Variants in ITGA11 observed in about 807,000 individuals in gnomAD.
ITGA11 encodes integrin subunit alpha 11.
Under a neutral mutation model 141.9 loss-of-function variants are expected in ITGA11, and 97 were observed. That is an observed-to-expected ratio of 0.68 (90% CI 0.58 to 0.81). The LOEUF is 0.81. ITGA11 is among the 30% of genes least tolerant of loss of function. The pLI is 0.00. For missense variants in ITGA11, 1,387 were observed against 1,559.2 expected (o/e 0.89, Z 1.86); for synonymous variants, 658 against 624.6 (o/e 1.05, Z -0.80).
intron 26 of ITGA11, among the ~76,000 whole-genome samples, chr15:68,310,185 T>TTATA (rs1893334203): frequency 6.6e-6 from 1 of 152,194 alleles, no homozygotes; most frequent in Non-Finnish European, 1.5e-5. Flanking sequence ...TTAGTTAGAG[T>TTATA]AATACCTCAA....
chr15:68,320,074 G>A lies in ITGA11; in HGVS notation c.2616+111C>T, dbSNP rs139842285. 4.6e-5 allele frequency: 41 copies of A among 892,614 alleles called. No individual in the cohort carries two copies. The African/African-American group carries it at 6.6e-4, about 14-fold the overall frequency. 55.3% of individuals were successfully genotyped at this position (892,614 alleles called of 1,614,324 possible). A position where few individuals can be genotyped will look rare whatever the true frequency, so the allele number is the denominator to read the frequency against. On this transcript the variant is annotated intron_variant, in intron 20 of 29. Transcript: ENST00000315757. ...CAAAGTGCTAGGATTACAGGCATGA[G>A]CCACTGCATCCAGCTTTCTTGTGAT...
intron 16 of ITGA11, among the ~76,000 whole-genome samples, chr15:68,327,736 C>A (rs1241435573): frequency 7.1e-6 from 1 of 141,102 alleles, no homozygotes; most frequent in African/African-American, 2.6e-5. Flanking sequence ...TTTCCAGCAC[C>A]CCCCCTGTAG....
chr15:68,395,533 T>C (rs1348521455), intron 2 of ITGA11, among the ~76,000 whole-genome samples: 2 of 150,340 alleles, frequency 1.3e-5, no homozygotes, highest in African/African-American at 4.9e-5. Flanking sequence ...GTGATGCATG[T>C]GCAGCTTCAG....
chr15:68,360,095 C>T (rs1895193786), intron 5 of ITGA11, among the ~76,000 whole-genome samples: 1 of 152,136 alleles, frequency 6.6e-6, no homozygotes, highest in African/African-American at 2.4e-5. Flanking sequence ...ACTTCTTGTC[C>T]CACCTGCATA....
At chr15:68,349,333 C>A (rs548716954) in intron 9 of ITGA11, among the ~76,000 whole-genome samples, 1 of 152,220 alleles carries the variant, frequency 6.6e-6, no homozygotes. Context: ...TTGGATGGAA[C>A]TCAAACATCA....
chr15:68,329,258 A>G (rs1479880144), intron 15 of ITGA11, among the ~76,000 whole-genome samples: 1 of 152,228 alleles, frequency 6.6e-6, no homozygotes, highest in African/African-American at 2.4e-5. Context: ...TGCTGTGTCA[A>G]CATAGTGGGT....
chr15:68,363,858 G>A (rs1340592763), intron 4 of ITGA11, among the ~76,000 whole-genome samples: 2 of 152,194 alleles, frequency 1.3e-5, no homozygotes, highest in East Asian at 1.9e-4. Flanking sequence ...GAGTCCATAT[G>A]TGCTCACCTG....
At chr15:68,400,586 TTTATATA>T (rs1473245539) in intron 2 of ITGA11, among the ~76,000 whole-genome samples, 1 of 101,966 alleles carries the variant, frequency 9.8e-6, no homozygotes, top group African/African-American at 3.8e-5. Flanking sequence ...ATATATATAT[TTTATATA>T]TTATATATTA....
chr15:68,406,910 A>C (rs1352346534), intron 1 of ITGA11, among the ~76,000 whole-genome samples: 2 of 152,226 alleles, frequency 1.3e-5, no homozygotes. Flanking sequence ...CATGAGACAG[A>C]TACAATCACA....
At chr15:68,375,657 G>A (rs1233394809) in intron 2 of ITGA11, among the ~76,000 whole-genome samples, 1 of 152,178 alleles carries the variant, frequency 6.6e-6, no homozygotes, top group East Asian at 1.9e-4. Context: ...CTAGGGAAAC[G>A]AGAGCCCCTC....
chr15:68,394,012 T>A (rs1438664700), intron 2 of ITGA11, among the ~76,000 whole-genome samples: 1 of 152,184 alleles, frequency 6.6e-6, no homozygotes, highest in African/African-American at 2.4e-5. Context: ...TAAAGCTGTG[T>A]TAGAAATGAA....
At chr15:68,355,448 T>A (rs912968919) in intron 7 of ITGA11, among the ~76,000 whole-genome samples, 3 of 144,856 alleles carry the variant, frequency 2.1e-5, no homozygotes, top group African/African-American at 7.6e-5. Context: ...TCTTTTTTTC[T>A]TTTTTTCTTT....
At chr15:68,327,442 C>A (rs1027802614) in intron 16 of ITGA11, among the ~76,000 whole-genome samples, 2 of 152,254 alleles carry the variant, frequency 1.3e-5, no homozygotes, top group African/African-American at 4.8e-5. Flanking sequence ...AGCCCCCAGG[C>A]CCACCTTTGT....
intron 20 of ITGA11, among the ~76,000 whole-genome samples, chr15:68,318,947 C>T (rs1893695216): frequency 6.6e-6 from 1 of 152,204 alleles, no homozygotes; most frequent in South Asian, 2.1e-4. Context: ...CTTCTATGTG[C>T]CCAGCTCTGG....
In ITGA11 at chr15:68,432,133, C is replaced by T. The variant is rs1897285390; in HGVS notation, c.-67G>A. The T allele has an allele frequency of 2.5e-6, 3 of 1,221,578 alleles. No individual in the cohort carries two copies. Among genetic ancestry groups the T allele is most frequent in the Non-Finnish European group, 3.2e-6 (3 of 949,528 alleles). 75.7% of individuals were successfully genotyped at this position (1,221,578 alleles called of 1,614,324 possible). A position where few individuals can be genotyped will look rare whatever the true frequency, so the allele number is the denominator to read the frequency against. On this transcript the variant is annotated 5_prime_UTR_variant, in exon 1 of 30. Transcript: ENST00000315757. ...GGGGGGCGGCAAGCCAGAGCGGCAG[C>T]CTCCTCGGCGCGGCGCCTGCAGCCT... is the stretch of plus-strand genomic sequence containing the variant.
At chr15:68,369,989 G>A (rs1318806125) in intron 2 of ITGA11, among the ~76,000 whole-genome samples, 1 of 152,222 alleles carries the variant, frequency 6.6e-6, no homozygotes, top group Non-Finnish European at 1.5e-5. Flanking sequence ...GAGACATGGG[G>A]AGAAGAGAGA....
chr15:68,314,592 C>T (rs866366504), intron 22 of ITGA11, among the ~76,000 whole-genome samples: 2 of 152,148 alleles, frequency 1.3e-5, no homozygotes, highest in Admixed American at 6.5e-5. Flanking sequence ...CTCCAGAGCC[C>T]CCTCCTACAC....
rs1217951523 is a variant in ITGA11 at position 68,333,998 on chromosome 15, G to C, written c.1426-1520C>G. On this transcript the variant is annotated intron_variant, in intron 12 of 29. Coordinates refer to ENST00000315757, the MANE Select transcript of ITGA11 (RefSeq NM_001004439.2). This position sits in a 1 kb window ranked among gnomAD's most constrained non-coding sequence, Gnocchi z 4.2. ...CAGACCATCCCCTGCCATCCCTCAA[G>C]TCTCAGCTGATGTGTCACTTCCTGT... Among the ~76,000 whole-genome samples, 1 of 152,126 alleles carries C rather than the reference G, an allele frequency of 6.6e-6. No individual in the cohort carries two copies. Among genetic ancestry groups the C allele is most frequent in the Admixed American group, 6.5e-5 (1 of 15,284 alleles).
chr15:68,336,253 T>A (rs1258607732), intron 11 of ITGA11, among the ~76,000 whole-genome samples: 1 of 152,164 alleles, frequency 6.6e-6, no homozygotes, highest in East Asian at 1.9e-4. Flanking sequence ...TCCCCACCAA[T>A]CTTCACTCTT....
Sources: allele counts gnomAD v4.1 joint callset (sites outside exome capture counted in the v4.1 genomes callset), GRCh38; gene constraint gnomAD v4.1.1; non-coding constraint Gnocchi (gnomAD v3.1); transcripts MANE v1.5; gene names NCBI Gene and HGNC (gene_info 2026-07-23, HGNC 2026-07-21).